Variants in USP22 observed in about 807,000 individuals in gnomAD.
The protein encoded by USP22 is ubiquitin specific peptidase 22.
USP22 carries 22 observed loss-of-function variants against 68.1 expected under a neutral mutation model. That is an observed-to-expected ratio of 0.32 (90% confidence interval 0.23 to 0.46). USP22 has a LOEUF of 0.46. Ranked by LOEUF, USP22 falls within the 20% of genes least tolerant of loss-of-function variation. USP22 has a pLI of 1.00. For synonymous variants in USP22, 279 were observed against 274.2 expected, an observed-to-expected ratio of 1.02 and a Z score of -0.17; for missense variants, 433 against 695.8, an observed-to-expected ratio of 0.62 and a Z score of 4.25.
intron 1 of USP22, among the ~76,000 whole-genome samples, chr17:21,036,854 G>A (rs1972364606): frequency 6.6e-6 from 1 of 152,138 alleles, no homozygotes. Context: ...CAAGAAGCCA[G>A]GATATCCCAG....
At chr17:21,042,372 A>C in intron 1 of USP22, 2 of 175,048 alleles carry the variant, frequency 1.1e-5, no homozygotes, top group Admixed American at 6.5e-5. Context: ...GGGGGAGGGG[A>C]CAGAGAGGAG....
In USP22 at chr17:21,002,961, G is replaced by A. The variant is rs978995143; in HGVS notation, c.*70C>T. 1 of 1,577,822 alleles carries A rather than the reference G, an allele frequency of 6.3e-7. No individual in the cohort carries two copies. The highest frequency in any genetic ancestry group is 1.7e-5 in the Admixed American group (1 of 59,488). ...GGCGGGAGACTTGGGGGAGGGGGGG[G>A]CCAGGGAGGATCACTTTGTGAGGCT... On this transcript the variant is annotated 3_prime_UTR_variant, in exon 13 of 13. Transcript: ENST00000261497.
intron 1 of USP22, among the ~76,000 whole-genome samples, chr17:21,039,362 G>C (rs1567594862): frequency 6.6e-6 from 1 of 151,638 alleles, no homozygotes; most frequent in African/African-American, 2.4e-5. Flanking sequence ...CGGATCACCT[G>C]AGGTTGGGAG....
chr17:21,002,943 G>A lies in USP22; in HGVS notation c.*88C>T. The A allele has an allele frequency of 6.6e-7, 1 of 1,521,122 alleles. No individual in the cohort carries two copies. Among genetic ancestry groups the A allele is most frequent in the Non-Finnish European group, 9.0e-7 (1 of 1,108,416 alleles). 94.2% of individuals were successfully genotyped at this position (1,521,122 alleles called of 1,614,324 possible). ...TCACCAGGCCGGGGAGGCGGCGGGA[G>A]ACTTGGGGGAGGGGGGGGCCAGGGA... On this transcript the variant is annotated 3_prime_UTR_variant, in exon 13 of 13. Coordinates refer to ENST00000261497, the MANE Select transcript of USP22 (RefSeq NM_015276.2).
intron 2 of USP22, among the ~76,000 whole-genome samples, chr17:21,022,783 A>G: frequency 7.2e-6 from 1 of 139,732 alleles, no homozygotes; most frequent in Non-Finnish European, 1.6e-5. Flanking sequence ...TGGGCAACAG[A>G]GCGAGACTCC....
At position 21,038,266 on chromosome 17, in the gene USP22, G is replaced by A. The variant is rs1020761577; in HGVS notation, c.171+4399C>T. ...AATAAATAAATAAATACAATAGCACGTATCAGGAAAATGAGCTAGACTATG... is the reference window on the plus strand; with the variant it reads ...AATAAATAAATAAATACAATAGCACATATCAGGAAAATGAGCTAGACTATG... On this transcript the variant is annotated intron_variant, in intron 1 of 12. Transcript: ENST00000261497. 7.3e-5 allele frequency among the ~76,000 whole-genome samples: 11 copies of A among 151,474 alleles called. No individual in the cohort carries two copies. The South Asian group carries it at 1.0e-3, about 14-fold the overall frequency.
At chr17:21,019,300 C>A (rs1972125367) in intron 3 of USP22, 115 bp from the exon 4 acceptor site, 1 of 955,532 alleles carries the variant, frequency 1.0e-6, no homozygotes, top group Non-Finnish European at 1.7e-6. Context: ...CAGTGAGCAA[C>A]ATCCACAGCA....
intron 4 of USP22, among the ~76,000 whole-genome samples, chr17:21,018,651 G>C (rs943071793): frequency 6.6e-6 from 1 of 152,068 alleles, no homozygotes; most frequent in African/African-American, 2.4e-5. Flanking sequence ...GACAGAGGGT[G>C]CAGTGAACTG....
chr17:21,027,999 G>A (rs1042652506), intron 2 of USP22, among the ~76,000 whole-genome samples: 14 of 152,132 alleles, frequency 9.2e-5, no homozygotes, highest in South Asian at 2.1e-4. Flanking sequence ...GCAAAACTGA[G>A]TTTTATGTAA....
rs538097896 is a variant in USP22 at position 21,000,252 on chromosome 17, G to A, written c.*2779C>T. ...CCTGAATTTCACAGCCAGATGGGGA[G>A]CTAAAAGAAATTCCTGAACCCAACG... is the stretch of plus-strand genomic sequence containing the variant. On this transcript the variant is annotated 3_prime_UTR_variant, in exon 13 of 13. Coordinates refer to ENST00000261497, the MANE Select transcript of USP22 (RefSeq NM_015276.2). The A allele has an allele frequency of 6.6e-6, 1 of 152,336 alleles. No individual in the cohort carries two copies. The highest frequency in any genetic ancestry group is 2.1e-4 in the South Asian group (1 of 4,824). The allele number at this position is 152,336 out of a possible 1,614,324, so 9.4% of individuals were successfully genotyped here.
At chr17:21,003,630 G>A (rs1337310585) in intron 12 of USP22, among the ~76,000 whole-genome samples, 2 of 152,144 alleles carry the variant, frequency 1.3e-5, no homozygotes, top group Admixed American at 6.5e-5. Context: ...GGCCGGGCCC[G>A]GTGGCTCATG....
At chr17:21,023,375 C>G (rs1355793483) in intron 2 of USP22, among the ~76,000 whole-genome samples, 1 of 151,922 alleles carries the variant, frequency 6.6e-6, no homozygotes, top group African/African-American at 2.4e-5. Context: ...GAGAGAAACC[C>G]GGCGTGGTGG....
chr17:21,038,287 C>A (rs996907976), intron 1 of USP22, among the ~76,000 whole-genome samples: 2 of 151,546 alleles, frequency 1.3e-5, no homozygotes, highest in African/African-American at 4.9e-5. Context: ...ATGAGCTAGA[C>A]TATGAAAATA....
intron 11 of USP22, 116 bp downstream of exon 11, chr17:21,004,812 A>ATAGTGGAGCT: frequency 1.0e-6 from 1 of 982,898 alleles, no homozygotes; most frequent in African/African-American, 1.6e-5. Context: ...CGGGCAGCCA[A>ATAGTGGAGCT]GCGGGAAGCA....
intron 9 of USP22, 60 bp from the exon 10 acceptor site, chr17:21,007,047 G>T: frequency 3.5e-6 from 5 of 1,440,846 alleles, no homozygotes; most frequent in Non-Finnish European, 4.7e-6. Context: ...GTCACTGGAA[G>T]CTTCAGGGCC....
Position 21,007,947 on chromosome 17 carries a change from C to G in USP22, c.1153G>C (p.Gly385Arg). ...LGSSAKIKCSGCHSYQESTKQ... is the reference protein window; with the variant it reads ...LGSSAKIKCSRCHSYQESTKQ... ...GTGGACTCCTGGTAGCTATGGCAAC[C>G]GCTGCACTTGATCTTGGCGCTGCTG... is the stretch of plus-strand genomic sequence containing the variant. The change falls in exon 9 of 13, where the codon GGT (glycine) becomes CGT (arginine). Residue 385 changes from glycine to arginine, a missense_variant. Physicochemically the swap from Gly to Arg is moderately radical, Grantham distance 125. Transcript: ENST00000261497. 4 of 1,614,092 alleles carry G rather than the reference C, an allele frequency of 2.5e-6. No homozygotes were observed. Among genetic ancestry groups the G allele is most frequent in the Non-Finnish European group, 3.4e-6 (4 of 1,180,034 alleles).
At chr17:21,035,204 T>G (rs1378920173) in intron 1 of USP22, among the ~76,000 whole-genome samples, 1 of 152,190 alleles carries the variant, frequency 6.6e-6, no homozygotes, top group East Asian at 1.9e-4. Flanking sequence ...AAGCCTCATT[T>G]TAATCTACCA....
rs1054257439 is a variant in USP22, at chr17:21,015,282, T to C, written c.838+470A>G. Among the ~76,000 whole-genome samples the C allele has an allele frequency of 7.9e-5, 12 of 152,204 alleles. 1 individual carries two copies. The highest frequency in any genetic ancestry group is 7.2e-4 in the Admixed American group (11 of 15,280). ...GTCCAATGAGACCCCAAGAGAAGCT[T>C]TGCTCGTCCTGTGTCCCAGCTCTCT... On this transcript the variant is annotated intron_variant, in intron 6 of 12. Transcript: ENST00000261497.
chr17:21,028,417 G>A (rs907858428), intron 2 of USP22, 125 bp downstream of exon 2: 13 of 1,427,172 alleles, frequency 9.1e-6, no homozygotes, highest in East Asian at 6.9e-5. Flanking sequence ...CACCAGTGAG[G>A]GGCACGCATT....
Sources: gnomAD v4.1 joint callset for allele counts (sites outside exome capture counted in the v4.1 genomes callset) on GRCh38, gnomAD v4.1.1 for gene constraint, MANE v1.5 for transcripts, NCBI Gene and HGNC (gene_info 2026-07-23, HGNC 2026-07-21) for gene names.